The following KLF8 variants were observed in gnomAD, a reference collection of about 807,000 sequenced individuals.
The protein encoded by KLF8 is KLF transcription factor 8.
KLF8 carries 10 observed loss-of-function variants against 18.2 expected under a neutral mutation model. That is an observed-to-expected ratio of 0.55 (90% confidence interval 0.34 to 0.93). The LOEUF is 0.93. Among genes scored for constraint, KLF8 ranks in the 40% least tolerant of loss-of-function variants. KLF8 has a pLI of 0.02. For missense variants in KLF8, 264 were observed against 277.9 expected, an observed-to-expected ratio of 0.95 and a Z score of 0.36; for synonymous variants, 109 against 97.3, an observed-to-expected ratio of 1.12 and a Z score of -0.71.
At chrX:56,192,002 A>G in the KLF8 span, among the ~76,000 whole-genome samples, 1 of 111,752 alleles carries the variant, frequency 8.9e-6, no homozygotes, top group Admixed American at 9.6e-5. Context: ...AAGGAAATAA[A>G]GGGCATACAA....
the KLF8 span, among the ~76,000 whole-genome samples, chrX:56,047,265 G>GT: frequency 1.8e-4 from 19 of 107,715 alleles, no homozygotes; most frequent in Non-Finnish European, 3.1e-4. Context: ...TATTTTTTTC[G>GT]TTTTTTTATT....
the KLF8 span, among the ~76,000 whole-genome samples, chrX:56,185,612 A>G: frequency 6.3e-5 from 7 of 111,964 alleles, no homozygotes; most frequent in Non-Finnish European, 1.9e-5. Flanking sequence ...AAATGTTAAG[A>G]GCAGCCAGAG....
chrX:55,932,833 A>G, the KLF8 span, among the ~76,000 whole-genome samples: 1 of 110,891 alleles, frequency 9.0e-6, no homozygotes, highest in Admixed American at 9.6e-5. Context: ...GGTGAATTTG[A>G]TGATTATGTG....
the KLF8 span, among the ~76,000 whole-genome samples, chrX:56,168,251 T>A: frequency 8.9e-6 from 1 of 112,070 alleles, no homozygotes; most frequent in Admixed American, 9.5e-5. Flanking sequence ...AGTTGCATTT[T>A]CACACACTAA....
chrX:56,159,637 T>A, the KLF8 span, among the ~76,000 whole-genome samples: 1 of 112,551 alleles, frequency 8.9e-6, no homozygotes, highest in Non-Finnish European at 1.9e-5. Context: ...TGTTGAGGAA[T>A]TTATCCATTT....
chrX:56,222,815 C>G, the KLF8 span, among the ~76,000 whole-genome samples: 1 of 112,123 alleles, frequency 8.9e-6, no homozygotes, highest in Non-Finnish European at 1.9e-5. Flanking sequence ...CCTCACTGCC[C>G]GGGGCTAGCG....
At chrX:56,051,427 T>C in the KLF8 span, among the ~76,000 whole-genome samples, 1 of 111,186 alleles carries the variant, frequency 9.0e-6, no homozygotes, top group East Asian at 2.8e-4. Context: ...TTTCCATGTT[T>C]AGTGCTTCCT....
chrX:55,909,195 T>C, the KLF8 span, among the ~76,000 whole-genome samples: 1 of 112,244 alleles, frequency 8.9e-6, no homozygotes, highest in Non-Finnish European at 1.9e-5. Flanking sequence ...AACTGGAAAT[T>C]CAATTATGAG....
At chrX:56,113,829 T>C in the KLF8 span, among the ~76,000 whole-genome samples, 375 of 110,108 alleles carry the variant, frequency 3.4e-3, no homozygotes, top group African/African-American at 0.012. Flanking sequence ...TGTTGGGAGG[T>C]CTCACCCAGT....
the KLF8 span, among the ~76,000 whole-genome samples, chrX:56,069,479 C>A: frequency 3.1e-4 from 35 of 111,467 alleles, 1 homozygote; most frequent in African/African-American, 1.1e-3. Context: ...GGAAACTCAG[C>A]CGATGGGCAC....
the KLF8 span, among the ~76,000 whole-genome samples, chrX:56,079,406 A>G: frequency 9.0e-6 from 1 of 111,482 alleles, no homozygotes; most frequent in Non-Finnish European, 1.9e-5. Context: ...TGTACCCAGT[A>G]GTCATTCAGG....
At chrX:55,984,537 G>T in the KLF8 span, among the ~76,000 whole-genome samples, 4 of 111,443 alleles carry the variant, frequency 3.6e-5, no homozygotes, top group Admixed American at 2.9e-4. Context: ...ATGGGCATTT[G>T]TGTTGATTGC....
the KLF8 span, among the ~76,000 whole-genome samples, chrX:56,060,843 G>A: frequency 9.0e-6 from 1 of 111,443 alleles, no homozygotes; most frequent in Non-Finnish European, 1.9e-5. Flanking sequence ...TTGGTTGGTA[G>A]GCTATTAATT....
chrX:56,198,041 T>G, the KLF8 span, among the ~76,000 whole-genome samples: 1 of 111,962 alleles, frequency 8.9e-6, no homozygotes, highest in African/African-American at 3.2e-5. Flanking sequence ...TTCAACAGCC[T>G]TCCATGCTAA....
the KLF8 span, among the ~76,000 whole-genome samples, chrX:56,213,049 C>A: frequency 3.6e-5 from 4 of 111,082 alleles, no homozygotes; most frequent in African/African-American, 1.3e-4. Flanking sequence ...AAATAATTGA[C>A]CATATCTGAA....
the KLF8 span, among the ~76,000 whole-genome samples, chrX:55,923,870 G>A: frequency 1.8e-5 from 2 of 110,579 alleles, no homozygotes; most frequent in African/African-American, 6.6e-5. Context: ...TCATCTAAAA[G>A]CCCTTCTTGA....
chrX:56,170,071 CTTA>C, the KLF8 span, among the ~76,000 whole-genome samples: 1 of 110,880 alleles, frequency 9.0e-6, no homozygotes, highest in Non-Finnish European at 1.9e-5. Context: ...TTTTCTGTAT[CTTA>C]TTCAAAAACA....
the KLF8 span, among the ~76,000 whole-genome samples, chrX:56,203,959 G>A: frequency 9.0e-6 from 1 of 110,963 alleles, no homozygotes; most frequent in Admixed American, 9.6e-5. Flanking sequence ...AGTTCTGTGG[G>A]GAAGGTCTTT....
the KLF8 span, among the ~76,000 whole-genome samples, chrX:56,184,422 G>T: frequency 8.9e-6 from 1 of 112,719 alleles, no homozygotes; most frequent in African/African-American, 3.2e-5. Flanking sequence ...GCCTGCCTCT[G>T]TAGGCTCCAC....
Sources: allele counts gnomAD v4.1 joint callset (sites outside exome capture counted in the v4.1 genomes callset), GRCh38; gene constraint gnomAD v4.1.1; transcripts MANE v1.5; gene names NCBI Gene and HGNC (gene_info 2026-07-23, HGNC 2026-07-21).